The following PIK3CB variants were observed in gnomAD, a reference collection of about 807,000 sequenced individuals.
PIK3CB encodes the protein phosphatidylinositol 4,5-bisphosphate 3-kinase catalytic subunit beta isoform.
Under a neutral mutation model 136.8 loss-of-function variants are expected in PIK3CB, and 39 were observed. That is an observed-to-expected ratio of 0.29 (90% CI 0.22 to 0.37). PIK3CB has a LOEUF of 0.37. PIK3CB is among the 10% of genes least tolerant of loss of function. PIK3CB has a pLI of 1.00. For synonymous variants in PIK3CB, 428 were observed against 436.6 expected, an observed-to-expected ratio of 0.98 and a Z score of 0.25; for missense variants, 868 against 1,275.4, an observed-to-expected ratio of 0.68 and a Z score of 4.87.
chr3:138,711,987 CCGATTTTAAACCA>C (rs970167722), intron 10 of PIK3CB, among the ~76,000 whole-genome samples: 1 of 151,326 alleles, frequency 6.6e-6, no homozygotes, highest in African/African-American at 2.4e-5. Context: ...AAAATATAGG[CCGATTTTAAACCA>C]AAACAAAATT....
intron 2 of PIK3CB, chr3:138,778,323 T>C (rs1307991520): frequency 2.9e-6 from 1 of 346,022 alleles, no homozygotes; most frequent in Non-Finnish European, 5.7e-6. Flanking sequence ...CATGACAACT[T>C]TGGCATCATG....
At chr3:138,806,928 T>C (rs577942645) in intron 1 of PIK3CB, among the ~76,000 whole-genome samples, 1 of 152,344 alleles carries the variant, frequency 6.6e-6, no homozygotes, top group Admixed American at 6.5e-5. Context: ...CTTTATAATA[T>C]GCGCAAGCAT....
intron 20 of PIK3CB, 37 bp from the exon 21 acceptor site, chr3:138,664,066 T>C: frequency 6.2e-7 from 1 of 1,609,124 alleles, no homozygotes. Context: ...AAAAAGGTTT[T>C]CAGCCTCCAA....
At chr3:138,683,388 A>G (rs1253750302) in intron 18 of PIK3CB, among the ~76,000 whole-genome samples, 1 of 151,356 alleles carries the variant, frequency 6.6e-6, no homozygotes, top group Non-Finnish European at 1.5e-5. Context: ...AATATCTTGT[A>G]TTTCATAAGC....
At chr3:138,783,470 T>C (rs1034230830) in intron 2 of PIK3CB, among the ~76,000 whole-genome samples, 24 of 152,074 alleles carry the variant, frequency 1.6e-4, no homozygotes, top group Admixed American at 3.3e-4. Context: ...AGAGACAAGA[T>C]CTCACTATGT....
chr3:138,665,215 A>G lies in PIK3CB; in HGVS notation c.2505-12T>C. The G allele has an allele frequency of 6.4e-7, 1 of 1,566,642 alleles. No individual in the cohort carries two copies. Among genetic ancestry groups the G allele is most frequent in the East Asian group, 2.3e-5 (1 of 43,724 alleles). ...CATAAGGCAACATCCTGGAAGGAAA[A>G]AAATGGGCATAGAGTCATATTTTCC... On this transcript the variant is annotated splice_polypyrimidine_tract_variant and intron_variant, in intron 19 of 23. Coordinates refer to ENST00000674063, the MANE Select transcript of PIK3CB (RefSeq NM_006219.3).
chr3:138,725,536 TTC>T (rs2044819141), intron 8 of PIK3CB, among the ~76,000 whole-genome samples: 1 of 152,210 alleles, frequency 6.6e-6, no homozygotes. Context: ...TCTCCCATTT[TTC>T]TCTCTGTTGT....
At chr3:138,770,368 T>C (rs1429576755) in intron 2 of PIK3CB, 1 of 152,182 alleles carries the variant, frequency 6.6e-6, no homozygotes, top group Non-Finnish European at 1.5e-5. Flanking sequence ...CATAAATTTG[T>C]TCTATAGGTG....
intron 8 of PIK3CB, among the ~76,000 whole-genome samples, chr3:138,731,771 T>G (rs926972588): frequency 1.3e-5 from 2 of 151,288 alleles, no homozygotes; most frequent in African/African-American, 4.9e-5. Flanking sequence ...GATCACGAGG[T>G]CAGGAGTTCG....
At chr3:138,769,206 T>C (rs957299505) in intron 2 of PIK3CB, among the ~76,000 whole-genome samples, 7 of 152,342 alleles carry the variant, frequency 4.6e-5, no homozygotes, top group Admixed American at 4.6e-4. Context: ...CAGCAGCTGT[T>C]CTAGACGGTC....
intron 2 of PIK3CB, among the ~76,000 whole-genome samples, chr3:138,776,958 T>C (rs1466918614): frequency 6.7e-6 from 1 of 148,804 alleles, no homozygotes; most frequent in African/African-American, 2.5e-5. Context: ...CTAAATAATC[T>C]AACAAAGTAT....
At chr3:138,779,233 C>G (rs1201917286) in intron 2 of PIK3CB, among the ~76,000 whole-genome samples, 1 of 151,682 alleles carries the variant, frequency 6.6e-6, no homozygotes, top group Non-Finnish European at 1.5e-5. Context: ...CTACAGGTAC[C>G]CACCACCATG....
At chr3:138,682,075 G>A (rs760224635) in intron 18 of PIK3CB, 30 bp from the exon 19 acceptor site, 2 of 1,448,636 alleles carry the variant, frequency 1.4e-6, no homozygotes, top group South Asian at 1.2e-5. Flanking sequence ...TTCATTACAA[G>A]TGCTTTTCCT....
intron 1 of PIK3CB, among the ~76,000 whole-genome samples, chr3:138,815,164 T>A (rs77103203): frequency 0.3 from 20,357 of 68,038 alleles, 3,592 homozygotes; most frequent in East Asian, 0.69. Flanking sequence ...AAAAAAAAAA[T>A]ATATATATAT....
At chr3:138,778,194 C>T in intron 2 of PIK3CB, 1 of 458,136 alleles carries the variant, frequency 2.2e-6, no homozygotes, top group Non-Finnish European at 4.4e-6. Flanking sequence ...TCTCTGCCCC[C>T]TCTGCTGATG....
chr3:138,808,715 C>CCT (rs541024402), intron 1 of PIK3CB, among the ~76,000 whole-genome samples: 4 of 147,684 alleles, frequency 2.7e-5, no homozygotes, highest in Middle Eastern at 3.5e-3. Context: ...AAATCTAGGC[C>CCT]CTCTCTCTCT....
intron 4 of PIK3CB, among the ~76,000 whole-genome samples, chr3:138,746,165 G>A (rs1467295221): frequency 6.6e-6 from 1 of 151,936 alleles, no homozygotes; most frequent in South Asian, 2.1e-4. Context: ...AGGATCACTT[G>A]AGCCCAGGAG....
rs1211443126 is a variant in PIK3CB, at chr3:138,682,079, T to G, written c.2426-34A>C. 3 of 1,406,792 alleles carry G rather than the reference T, an allele frequency of 2.1e-6. No homozygotes were observed. The East Asian group carries it at 6.8e-5, about 32-fold the overall frequency. 87.1% of individuals were successfully genotyped at this position (1,406,792 alleles called of 1,614,324 possible). Reference sequence around the variant, plus strand: ...AAACAAACTGCTTCATTACAAGTGCTTTTCCTTTTATGCCCTGTAACTCAT... The same window carrying G: ...AAACAAACTGCTTCATTACAAGTGCGTTTCCTTTTATGCCCTGTAACTCAT... On this transcript the variant is annotated intron_variant, in intron 18 of 23. Coordinates refer to ENST00000674063, the MANE Select transcript of PIK3CB (RefSeq NM_006219.3).
At chr3:138,674,483 T>A (rs2043604396) in intron 19 of PIK3CB, among the ~76,000 whole-genome samples, 1 of 152,060 alleles carries the variant, frequency 6.6e-6, no homozygotes, top group African/African-American at 2.4e-5. Context: ...AAACTTTACA[T>A]AATTAGTTCA....
Sources: allele counts gnomAD v4.1 joint callset (sites outside exome capture counted in the v4.1 genomes callset), GRCh38; gene constraint gnomAD v4.1.1; transcripts MANE v1.5; gene names NCBI Gene and HGNC (gene_info 2026-07-23, HGNC 2026-07-21).